Variants in GLI2 observed in about 807,000 individuals in gnomAD.
The protein encoded by GLI2 is transcription activator GLI2.
GLI2 carries 22 observed loss-of-function variants against 78.9 expected under a neutral mutation model. The ratio of observed to expected loss-of-function variants is 0.28; its 90% CI spans 0.20 to 0.40. The LOEUF is 0.40. Ranked by LOEUF, GLI2 falls within the 10% of genes least tolerant of loss-of-function variation. The probability of loss-of-function intolerance (pLI) is 1.00; values close to 1 mark genes in which losing one functional copy is unlikely to be tolerated. For synonymous variants in GLI2, 974 were observed against 963.7 expected (o/e 1.01, Z -0.20); for missense variants, 2,097 against 2,213.2 (o/e 0.95, Z 1.05).
At chr2:120,913,243 C>T (rs1380101995) in intron 2 of GLI2, among the ~76,000 whole-genome samples, 3 of 151,986 alleles carry the variant, frequency 2.0e-5, no homozygotes, top group African/African-American at 4.8e-5. Flanking sequence ...AGGGTAGCCG[C>T]GAGCTGTGTG....
chr2:120,857,765 C>T (rs1346643760), intron 2 of GLI2, among the ~76,000 whole-genome samples: 4 of 138,660 alleles, frequency 2.9e-5, no homozygotes, highest in Non-Finnish European at 6.3e-5. Context: ...AGGGGATCAA[C>T]CCCCCCACCC....
chr2:120,818,711 C>T (rs766262657), intron 2 of GLI2, among the ~76,000 whole-genome samples: 1 of 152,230 alleles, frequency 6.6e-6, no homozygotes, highest in Non-Finnish European at 1.5e-5. Context: ...AGGCCCTGTG[C>T]CCTGCCAAAT....
intron 5 of GLI2, among the ~76,000 whole-genome samples, chr2:120,961,457 G>T (rs183196326): frequency 6.6e-6 from 1 of 152,146 alleles, no homozygotes; most frequent in Non-Finnish European, 1.5e-5. Context: ...GGGCTAAGCG[G>T]TGTCTATGGG....
intron 3 of GLI2, among the ~76,000 whole-genome samples, chr2:120,930,952 C>T (rs766809741): frequency 6.6e-5 from 10 of 152,288 alleles, no homozygotes; most frequent in Admixed American, 1.3e-4. Context: ...AGAAGGGGGC[C>T]GTGGATGCTG....
chr2:120,965,671 G>A (rs1010321591), intron 5 of GLI2, among the ~76,000 whole-genome samples: 1 of 151,956 alleles, frequency 6.6e-6, no homozygotes, highest in African/African-American at 2.4e-5. Context: ...CAGCCGGGAT[G>A]CAGGTGCTGC....
At chr2:120,817,278 G>A (rs1485732702) in intron 2 of GLI2, among the ~76,000 whole-genome samples, 1 of 152,206 alleles carries the variant, frequency 6.6e-6, no homozygotes, top group Non-Finnish European at 1.5e-5. Context: ...GCCTCGGTAT[G>A]AAGCCACCCC....
intron 5 of GLI2, among the ~76,000 whole-genome samples, chr2:120,956,568 C>G (rs1464532527): frequency 6.6e-6 from 1 of 152,106 alleles, no homozygotes; most frequent in Admixed American, 6.5e-5. Context: ...GGTCCTGGAG[C>G]CCTGGCCAGC....
In GLI2 at chr2:120,908,523, C is replaced by T. The variant is rs556778472; in HGVS notation, c.149-18838C>T. ...TCAGCACCTGAAAAGGGAAAAGAAG[C>T]CTGGGTCCTGGGCTGAGAACTATGA... On this transcript the variant is annotated intron_variant, in intron 2 of 13. Coordinates refer to ENST00000361492, the MANE Select transcript of GLI2 (RefSeq NM_001374353.1). Among the ~76,000 whole-genome samples, 5 of 152,306 alleles carry T rather than the reference C, an allele frequency of 3.3e-5. No homozygotes were observed. In the South Asian group the frequency reaches 1.0e-3, roughly 32 times the overall value.
At chr2:120,763,556 C>T (rs1167223522) in intron 1 of GLI2, among the ~76,000 whole-genome samples, 2 of 152,226 alleles carry the variant, frequency 1.3e-5, no homozygotes, top group Non-Finnish European at 2.9e-5. Flanking sequence ...CTCTGGGGGG[C>T]TCACTGCTGT....
Position 120,797,457 on chromosome 2 carries a change from C to T in GLI2, c.137C>T (p.Ala46Val). The T allele has an allele frequency of 6.2e-7, 1 of 1,613,940 alleles. No individual in the cohort carries two copies. ...GCTGCAGCGGCAGCAGCAGCGGTAG[C>T]TGCCCAAGGAGGTACTTTCTGTTTC... is the stretch of plus-strand genomic sequence containing the variant. The part of the protein sequence containing the change: ...VVAAAAAAAV[A>V]AQGVPQHLLP... The change falls in exon 2 of 14, where the codon GCT becomes GTT. Residue 46 changes from alanine (A) to valine (V), a missense_variant. Ala to Val is a moderately conservative substitution (Grantham distance 64). Around this residue, in one of 5 missense-constraint regions of GLI2, gnomAD observed 578 missense variants for 612.0 expected, o/e 0.94. Coordinates refer to ENST00000361492, the MANE Select transcript of GLI2 (RefSeq NM_001374353.1).
At chr2:120,753,895 G>C (rs1265666203) in intron 1 of GLI2, among the ~76,000 whole-genome samples, 3 of 142,404 alleles carry the variant, frequency 2.1e-5, no homozygotes, top group Non-Finnish European at 4.5e-5. Context: ...CAGCCTGGGC[G>C]ACAGAGGGAG....
At chr2:120,906,581 C>T (rs2104799089) in intron 2 of GLI2, among the ~76,000 whole-genome samples, 1 of 152,258 alleles carries the variant, frequency 6.6e-6, no homozygotes, top group South Asian at 2.1e-4. Flanking sequence ...TTCAAGGTCG[C>T]AGCCACCACC....
At chr2:120,863,476 A>G (rs1051835507) in intron 2 of GLI2, among the ~76,000 whole-genome samples, 6 of 152,242 alleles carry the variant, frequency 3.9e-5, no homozygotes, top group African/African-American at 1.4e-4. Flanking sequence ...CTAGGACTCC[A>G]CGTGAAGAAC....
chr2:120,841,501 G>A (rs191829965), intron 2 of GLI2, among the ~76,000 whole-genome samples: 169 of 152,314 alleles, frequency 1.1e-3, no homozygotes, highest in African/African-American at 3.8e-3. Flanking sequence ...TTTTGTAATG[G>A]CAGTTCCCCC....
At chr2:120,919,376 G>A (rs989674203) in intron 2 of GLI2, among the ~76,000 whole-genome samples, 1 of 152,220 alleles carries the variant, frequency 6.6e-6, no homozygotes, top group African/African-American at 2.4e-5. Flanking sequence ...CAGCTGATTG[G>A]AGTCCACTCC....
At chr2:120,852,857 A>C (rs928960046) in intron 2 of GLI2, among the ~76,000 whole-genome samples, 116 of 152,344 alleles carry the variant, frequency 7.6e-4, no homozygotes, top group African/African-American at 2.7e-3. Flanking sequence ...GTGTGTGGCC[A>C]CTGTGATGGT....
chr2:120,910,547 A>C (rs909322846), intron 2 of GLI2, among the ~76,000 whole-genome samples: 1 of 152,188 alleles, frequency 6.6e-6, no homozygotes, highest in Non-Finnish European at 1.5e-5. Context: ...TCTGAACTGC[A>C]ATCACTCTTG....
At chr2:120,912,905 G>A (rs552329520) in intron 2 of GLI2, among the ~76,000 whole-genome samples, 1 of 152,206 alleles carries the variant, frequency 6.6e-6, no homozygotes, top group Non-Finnish European at 1.5e-5. Flanking sequence ...AGAGGCACAG[G>A]CTGACTTAAT....
At chr2:120,771,027 G>T (rs1033885769) in intron 1 of GLI2, among the ~76,000 whole-genome samples, 36 of 152,204 alleles carry the variant, frequency 2.4e-4, no homozygotes, top group African/African-American at 8.0e-4. Flanking sequence ...TTGTCTGGCT[G>T]CCTGTGGCTC....
Sources: allele counts gnomAD v4.1 joint callset (sites outside exome capture counted in the v4.1 genomes callset), GRCh38; gene constraint gnomAD v4.1.1; regional missense constraint gnomAD v4.1.1; transcripts MANE v1.5; gene names NCBI Gene and HGNC (gene_info 2026-07-23, HGNC 2026-07-21).